The following SPOCK1 variants were observed in gnomAD, a reference collection of about 807,000 sequenced individuals.
The protein encoded by SPOCK1 is testican-1.
Under a neutral mutation model 55.3 loss-of-function variants are expected in SPOCK1, and 23 were observed. That is an observed-to-expected ratio of 0.42 (90% CI 0.30 to 0.59). The LOEUF (loss-of-function observed/expected upper bound fraction) is 0.59, where lower values mean the gene tolerates loss of function less well. SPOCK1 is among the 20% of genes least tolerant of loss of function. SPOCK1 has a pLI of 0.22. For missense variants in SPOCK1, 499 were observed against 552.5 expected (o/e 0.90, Z 0.97); for synonymous variants, 226 against 221.0 (o/e 1.02, Z -0.20).
chr5:137,455,292 G>T (rs929370204), intron 2 of SPOCK1, among the ~76,000 whole-genome samples: 3 of 152,164 alleles, frequency 2.0e-5, no homozygotes, highest in African/African-American at 7.2e-5. Context: ...GGCCAGAAAA[G>T]GTGGAGGGAC....
chr5:137,138,150 A>C (rs1277428384), intron 4 of SPOCK1, among the ~76,000 whole-genome samples: 1 of 152,242 alleles, frequency 6.6e-6, no homozygotes, highest in East Asian at 1.9e-4. Flanking sequence ...TAACTTGCCA[A>C]GGCCACTTGG....
intron 2 of SPOCK1, among the ~76,000 whole-genome samples, chr5:137,310,853 C>T (rs1046778888): frequency 3.3e-5 from 5 of 152,176 alleles, no homozygotes; most frequent in Non-Finnish European, 7.3e-5. Flanking sequence ...AAATGAGAAA[C>T]TATGATGCTG....
rs1210936143 is a variant in SPOCK1, at chr5:136,978,341, T to C, written c.*313A>G. On this transcript the variant is annotated 3_prime_UTR_variant, in exon 11 of 11. Coordinates refer to ENST00000394945, the MANE Select transcript of SPOCK1 (RefSeq NM_004598.4). ...AAGAGGGTTGGGGCTCCCTGCACTG[T>C]CAGAATTCCACGTAAATCACATGCT... is the stretch of plus-strand genomic sequence containing the variant. 1 of 353,462 alleles carries C rather than the reference T, an allele frequency of 2.8e-6. No individual in the cohort carries two copies. Among genetic ancestry groups the C allele is most frequent in the Non-Finnish European group, 5.1e-6 (1 of 197,872 alleles). 21.9% of individuals were successfully genotyped at this position (353,462 alleles called of 1,614,324 possible).
At chr5:137,181,138 C>T (rs1287094690) in intron 3 of SPOCK1, among the ~76,000 whole-genome samples, 3 of 152,014 alleles carry the variant, frequency 2.0e-5, no homozygotes, top group African/African-American at 7.2e-5. Context: ...TGAAAACGCT[C>T]GATGGAAGGA....
At chr5:137,153,364 G>C (rs1248266602) in intron 3 of SPOCK1, among the ~76,000 whole-genome samples, 2 of 152,018 alleles carry the variant, frequency 1.3e-5, no homozygotes, top group East Asian at 3.8e-4. Flanking sequence ...TTATTGTTTT[G>C]TTTCACAGAA....
intron 2 of SPOCK1, among the ~76,000 whole-genome samples, chr5:137,282,007 A>G (rs774287698): frequency 1.3e-5 from 2 of 152,214 alleles, no homozygotes; most frequent in Non-Finnish European, 2.9e-5. Context: ...GACTCTGGAC[A>G]AGCATTTAAC....
intron 6 of SPOCK1, among the ~76,000 whole-genome samples, chr5:137,026,373 A>G (rs971225209): frequency 2.6e-5 from 4 of 152,214 alleles, no homozygotes; most frequent in Admixed American, 6.5e-5. Context: ...AGTAAAGCAG[A>G]TGACTCTCCA....
intron 3 of SPOCK1, among the ~76,000 whole-genome samples, chr5:137,203,786 A>T (rs1480726353): frequency 1.3e-5 from 2 of 152,226 alleles, no homozygotes; most frequent in East Asian, 3.8e-4. Flanking sequence ...AACGTTGCAC[A>T]TGTAAACAAG....
intron 6 of SPOCK1, among the ~76,000 whole-genome samples, chr5:137,022,822 T>C (rs1371861138): frequency 6.6e-6 from 1 of 152,230 alleles, no homozygotes; most frequent in Admixed American, 6.5e-5. Flanking sequence ...CAGCGTTCTC[T>C]TCCAGACCTC....
chr5:137,319,811 G>A (rs983255604), intron 2 of SPOCK1, among the ~76,000 whole-genome samples: 4 of 151,834 alleles, frequency 2.6e-5, no homozygotes, highest in African/African-American at 9.7e-5. Flanking sequence ...CAGGCGCGGT[G>A]GCGGGCGCCT....
At chr5:137,041,376 T>C (rs1429842815) in intron 6 of SPOCK1, among the ~76,000 whole-genome samples, 1 of 152,174 alleles carries the variant, frequency 6.6e-6, no homozygotes, top group African/African-American at 2.4e-5. Context: ...ATAAAACATC[T>C]AGAAGAAAAC....
In SPOCK1 at chr5:137,385,433, T is replaced by A. The variant is rs77030677; in HGVS notation, c.186+112940A>T. Among the ~76,000 whole-genome samples, 47 of 152,336 alleles carry A rather than the reference T, an allele frequency of 3.1e-4. No homozygotes were observed. In the East Asian group the frequency reaches 8.9e-3, roughly 29 times the overall value. Reference sequence around the variant, plus strand: ...TAAAACAGGAATATGACCAGCTTTGTAGGAATGTTAAACACACTTCAGACT... The same window carrying A: ...TAAAACAGGAATATGACCAGCTTTGAAGGAATGTTAAACACACTTCAGACT... On this transcript the variant is annotated intron_variant, in intron 2 of 10. Coordinates refer to ENST00000394945, the MANE Select transcript of SPOCK1 (RefSeq NM_004598.4).
chr5:137,065,534 C>G (rs985835458), intron 6 of SPOCK1, among the ~76,000 whole-genome samples: 3 of 152,102 alleles, frequency 2.0e-5, no homozygotes, highest in Non-Finnish European at 4.4e-5. Context: ...TAGATAATTT[C>G]CAAAGGGTGT....
intron 9 of SPOCK1, among the ~76,000 whole-genome samples, chr5:136,980,527 T>G (rs1420297932): frequency 1.3e-5 from 2 of 152,122 alleles, no homozygotes; most frequent in Admixed American, 1.3e-4. Flanking sequence ...GGGGGCGAGT[T>G]TTTCCCATGC....
chr5:137,267,294 T>G (rs922266482), intron 2 of SPOCK1, among the ~76,000 whole-genome samples: 4 of 152,216 alleles, frequency 2.6e-5, no homozygotes, highest in African/African-American at 9.6e-5. Context: ...TTCAGCCCAG[T>G]ATAGAAACAG....
intron 2 of SPOCK1, among the ~76,000 whole-genome samples, chr5:137,399,598 C>G (rs530751386): frequency 2.0e-5 from 3 of 152,154 alleles, no homozygotes; most frequent in African/African-American, 7.2e-5. Context: ...ACCACCACCA[C>G]AGCTCCCAGC....
intron 3 of SPOCK1, among the ~76,000 whole-genome samples, chr5:137,238,322 C>T (rs1325646592): frequency 2.0e-5 from 3 of 152,218 alleles, no homozygotes; most frequent in Non-Finnish European, 4.4e-5. Context: ...TTTGCACTCA[C>T]ATACACACTG....
intron 3 of SPOCK1, among the ~76,000 whole-genome samples, chr5:137,149,332 T>C (rs1754268182): frequency 6.6e-6 from 1 of 152,136 alleles, no homozygotes; most frequent in Non-Finnish European, 1.5e-5. Context: ...CACAGAGAAG[T>C]CTTCACCTTC....
At chr5:137,268,559 G>T (rs1015060143) in intron 2 of SPOCK1, among the ~76,000 whole-genome samples, 2 of 152,284 alleles carry the variant, frequency 1.3e-5, no homozygotes, top group African/African-American at 4.8e-5. Context: ...ACTGTTAAAT[G>T]ATATTAAGTT....
Sources: allele counts gnomAD v4.1 joint callset (sites outside exome capture counted in the v4.1 genomes callset), GRCh38; gene constraint gnomAD v4.1.1; transcripts MANE v1.5; gene names NCBI Gene and HGNC (gene_info 2026-07-23, HGNC 2026-07-21).